The following GDAP1 variants were observed in gnomAD, a reference collection of about 807,000 sequenced individuals.
The protein encoded by GDAP1 is ganglioside-induced differentiation-associated protein 1.
In GDAP1, 34 loss-of-function variants were observed where a neutral mutation model predicts 40.1. The observed-to-expected ratio is 0.85, with a 90% CI of 0.64 to 1.13. The LOEUF is 1.13. GDAP1 is among the 50% of genes most tolerant of loss of function. The pLI is 0.00. For synonymous variants in GDAP1, 170 were observed against 157.4 expected (o/e 1.08, Z -0.60); for missense variants, 374 against 433.7 (o/e 0.86, Z 1.22).
intron 2 of GDAP1, among the ~76,000 whole-genome samples, chr8:74,384,641 T>C (rs1809999181): frequency 6.6e-6 from 1 of 152,148 alleles, no homozygotes; most frequent in Non-Finnish European, 1.5e-5. Context: ...CCTCTAGAAA[T>C]AAACCCCACA....
At chr8:74,422,478 C>G (rs938887204) in intron 2 of GDAP1, among the ~76,000 whole-genome samples, 1 of 95,508 alleles carries the variant, frequency 1.0e-5, no homozygotes, top group South Asian at 3.5e-4. Flanking sequence ...TCCTTCCTCC[C>G]TCCCTCCCTC....
intron 2 of GDAP1, among the ~76,000 whole-genome samples, chr8:74,381,674 T>G (rs1208017597): frequency 2.0e-5 from 3 of 151,812 alleles, no homozygotes; most frequent in Admixed American, 6.6e-5. Flanking sequence ...GAGAATCGCT[T>G]GAACCCGGGA....
At chr8:74,359,582 G>T (rs922282574) in intron 2 of GDAP1, among the ~76,000 whole-genome samples, 3 of 152,166 alleles carry the variant, frequency 2.0e-5, no homozygotes, top group African/African-American at 7.2e-5. Context: ...GATGTTGGTT[G>T]GCACCTAGAA....
intron 2 of GDAP1, among the ~76,000 whole-genome samples, chr8:74,355,330 A>G (rs556130497): frequency 6.6e-6 from 1 of 152,356 alleles, no homozygotes; most frequent in Non-Finnish European, 1.5e-5. Context: ...GGGATACTTC[A>G]GAGATGTTTT....
intron 2 of GDAP1, among the ~76,000 whole-genome samples, chr8:74,474,966 G>A (rs73331394): frequency 0.066 from 10,065 of 151,950 alleles, 692 homozygotes; most frequent in African/African-American, 0.17. Context: ...CAATTTTGGC[G>A]CTCATTGTTG....
At chr8:74,436,709 A>G (rs922548896) in intron 2 of GDAP1, among the ~76,000 whole-genome samples, 24 of 152,314 alleles carry the variant, frequency 1.6e-4, no homozygotes, top group African/African-American at 5.5e-4. Context: ...GGCGTGAGCC[A>G]CTGCGCCCGG....
intron 2 of GDAP1, among the ~76,000 whole-genome samples, chr8:74,381,881 C>T (rs1363144940): frequency 6.6e-6 from 1 of 151,720 alleles, no homozygotes; most frequent in East Asian, 1.9e-4. Flanking sequence ...AGGTCTTAAA[C>T]TTTTTACTTT....
chr8:74,396,395 G>C (rs1250115324), intron 2 of GDAP1, among the ~76,000 whole-genome samples: 1 of 150,692 alleles, frequency 6.6e-6, no homozygotes. Context: ...TAGGGTACAT[G>C]TGCACAATAT....
At chr8:74,452,365 G>T in intron 2 of GDAP1, among the ~76,000 whole-genome samples, 1 of 82,690 alleles carries the variant, frequency 1.2e-5, no homozygotes, top group Non-Finnish European at 2.4e-5. Flanking sequence ...TGTTTTTTTG[G>T]TCCATGTTTC....
intron 2 of GDAP1, among the ~76,000 whole-genome samples, chr8:74,480,660 A>T (rs925579186): frequency 6.6e-5 from 10 of 152,240 alleles, no homozygotes; most frequent in African/African-American, 2.4e-4. Flanking sequence ...TGTGTTGGTC[A>T]AATTTGAAAT....
intron 2 of GDAP1, among the ~76,000 whole-genome samples, chr8:74,446,648 G>A (rs1806232587): frequency 1.3e-5 from 2 of 152,160 alleles, no homozygotes; most frequent in Admixed American, 6.5e-5. Context: ...GAAAGCTAGT[G>A]TTTATTGATC....
intron 2 of GDAP1, among the ~76,000 whole-genome samples, chr8:74,488,513 T>C (rs1489848362): frequency 1.3e-5 from 2 of 152,184 alleles, no homozygotes; most frequent in African/African-American, 4.8e-5. Flanking sequence ...ATGGTGATTG[T>C]TATGGATAGA....
intron 2 of GDAP1, among the ~76,000 whole-genome samples, chr8:74,429,084 T>C (rs1310772178): frequency 1.3e-5 from 2 of 152,054 alleles, no homozygotes; most frequent in South Asian, 2.1e-4. Flanking sequence ...ATGGTGTATA[T>C]GTGCCACATT....
chr8:74,387,359 A>G (rs1810040488), intron 2 of GDAP1, among the ~76,000 whole-genome samples: 1 of 152,192 alleles, frequency 6.6e-6, no homozygotes, highest in African/African-American at 2.4e-5. Context: ...GGTTCCATCA[A>G]TGCCTAGTTT....
rs908674662 is a variant in GDAP1, at chr8:74,410,758, C to T, written c.165+59437C>T. 3.3e-5 allele frequency among the ~76,000 whole-genome samples: 5 copies of T among 150,500 alleles called. 1 individual carries two copies. Among genetic ancestry groups the T allele is most frequent in the African/African-American group, 1.3e-4 (5 of 39,772 alleles). ...AAAGAAGCAGCTCAGTGGTCAGGAT[C>T]TGCTCAGTTGTTCTGGCTTATTTTG... On this transcript the variant is annotated intron_variant, in intron 2 of 2. Transcript: ENST00000523640.
chr8:74,425,946 G>C (rs1423297365), intron 2 of GDAP1, among the ~76,000 whole-genome samples: 3 of 152,108 alleles, frequency 2.0e-5, no homozygotes, highest in Non-Finnish European at 2.9e-5. Context: ...CAGTGCTGCA[G>C]TCTGATTTGC....
intron 2 of GDAP1, among the ~76,000 whole-genome samples, chr8:74,443,218 T>C (rs955099493): frequency 2.0e-5 from 3 of 152,166 alleles, no homozygotes; most frequent in Middle Eastern, 3.2e-3. Flanking sequence ...GTGCATTTTG[T>C]TGGGAAGGCA....
At chr8:74,371,718 G>A (rs111890222), downstream of GDAP1, among the ~76,000 whole-genome samples, 826 of 151,898 alleles carry the variant, frequency 5.4e-3, 7 homozygotes, top group African/African-American at 0.019. Flanking sequence ...CAGAATTTGT[G>A]AGATACAGCA....
At chr8:74,360,335 G>A in intron 3 of GDAP1, 25 bp downstream of exon 3, 4 of 1,588,830 alleles carry the variant, frequency 2.5e-6, no homozygotes, top group Non-Finnish European at 3.5e-6. Flanking sequence ...TAAAGACCTG[G>A]AATTCTGTCT....
Sources: allele counts gnomAD v4.1 joint callset (sites outside exome capture counted in the v4.1 genomes callset), GRCh38; gene constraint gnomAD v4.1.1; transcripts MANE v1.5; gene names NCBI Gene and HGNC (gene_info 2026-07-23, HGNC 2026-07-21).